ZFP90: variants seen among roughly 807,000 people sequenced by gnomAD.
ZFP90 encodes zinc finger protein 90 homolog.
Under a neutral mutation model 60.8 loss-of-function variants are expected in ZFP90, and 38 were observed. The observed-to-expected ratio is 0.62, with a 90% CI of 0.48 to 0.82. The LOEUF (loss-of-function observed/expected upper bound fraction) is 0.82. Among genes scored for constraint, ZFP90 ranks in the 40% least tolerant of loss-of-function variants. The probability of loss-of-function intolerance (pLI) is 0.00; values close to 1 mark genes in which losing one functional copy is unlikely to be tolerated. For synonymous variants in ZFP90, 287 were observed against 264.8 expected (o/e 1.08, Z -0.82); for missense variants, 711 against 759.1 (o/e 0.94, Z 0.74).
rs747724286 is a variant in ZFP90, at chr16:68,562,965, T to A, written c.257-79T>A. On this transcript the variant is annotated intron_variant, in intron 4 of 4. Coordinates refer to ENST00000563169, the MANE Select transcript of ZFP90 (RefSeq NM_001305203.2). ...AAAACAGAGTCATATGTAACTTATA[T>A]GTCTTTCTTCATTCCTACTCTAGCA... The A allele has an allele frequency of 3.8e-6, 6 of 1,578,542 alleles. No homozygotes were observed. The African/African-American group carries it at 6.7e-5, about 18-fold the overall frequency.
At chr16:68,539,511 T>G (rs1176129524) in intron 1 of ZFP90, 32 bp downstream of exon 1, 1 of 475,124 alleles carries the variant, frequency 2.1e-6, no homozygotes, top group East Asian at 3.5e-5. Flanking sequence ...CCCTCCTGGG[T>G]TTGGCGGGTG....
At chr16:68,541,799 C>T (rs941796925) in intron 2 of ZFP90, among the ~76,000 whole-genome samples, 3 of 152,130 alleles carry the variant, frequency 2.0e-5, no homozygotes, top group Admixed American at 6.6e-5. Context: ...AACACCTCAT[C>T]AGGGACTCTG....
upstream of ZFP90, among the ~76,000 whole-genome samples, chr16:68,537,847 T>C (rs2099209567): frequency 6.6e-6 from 1 of 152,160 alleles, no homozygotes; most frequent in Non-Finnish European, 1.5e-5. Flanking sequence ...TTTCATTACT[T>C]GTTAGCCCCT....
At chr16:68,562,775 C>A in intron 4 of ZFP90, 1 of 643,044 alleles carries the variant, frequency 1.6e-6, no homozygotes, top group African/African-American at 1.8e-5. Context: ...GTGCCTAACA[C>A]AGTCCTGCTC....
intron 2 of ZFP90, among the ~76,000 whole-genome samples, chr16:68,543,879 T>TC (rs1285001901): frequency 2.4e-4 from 29 of 118,952 alleles, no homozygotes; most frequent in South Asian, 1.1e-3. Context: ...TTTTTTTTTT[T>TC]CGAGGTAGAG....
rs1567413528 is a variant in ZFP90 at position 68,565,505 on chromosome 16, C to T, written c.*807C>T. The T allele has an allele frequency of 5.1e-6, 5 of 985,542 alleles. No homozygotes were observed. The highest frequency in any genetic ancestry group is 6.0e-6 in the Non-Finnish European group (5 of 829,914). The allele number at this position is 985,542 out of a possible 1,614,324, so 61.0% of individuals were successfully genotyped here. A position where few individuals can be genotyped will look rare whatever the true frequency, so the allele number is the denominator to read the frequency against. On this transcript the variant is annotated 3_prime_UTR_variant, in exon 5 of 5. Coordinates refer to ENST00000563169, the MANE Select transcript of ZFP90 (RefSeq NM_001305203.2). The stretch of plus-strand genomic sequence containing the variant: ...TGGAGGCTTACAAACCACAATTTAA[C>T]AGAAACTGTAGATGGTTGAACTACT...
chr16:68,566,451 TTCTC>T lies in ZFP90; in HGVS notation c.*1756_*1759del, dbSNP rs536125819. On this transcript the variant is annotated 3_prime_UTR_variant, in exon 5 of 5. Coordinates refer to ENST00000563169, the MANE Select transcript of ZFP90 (RefSeq NM_001305203.2). The stretch of plus-strand genomic sequence containing the variant: ...TGCCACATAGCAGGATTCATTGCCT[TTCTC>T]TCATCATGGATGGCATGCAGCAGCA... 3.2e-4 allele frequency: 312 copies of T among 985,550 alleles called. No homozygotes were observed. The African/African-American group carries it at 5.1e-3, about 16-fold the overall frequency. 61.1% of individuals were successfully genotyped at this position (985,550 alleles called of 1,614,324 possible).
At position 68,564,426 on chromosome 16, in the gene ZFP90, C is replaced by G. The variant is rs2091490791; in HGVS notation, c.1639C>G (p.His547Asp). The G allele has an allele frequency of 6.2e-7, 1 of 1,613,812 alleles. No individual in the cohort carries two copies. Residue 547 changes from histidine to aspartate, a missense_variant, in exon 5 of 5, where the codon CAC (histidine) becomes GAC (aspartate). Transcript: ENST00000563169. ...ATCGCTTACTCAACATGAGAGAACC[C>G]ACACTGGAGAGAAACCCTATGAATG... is the stretch of plus-strand genomic sequence containing the variant. ...RSSLTQHERT[H>D]TGEKPYECID...
intron 4 of ZFP90, among the ~76,000 whole-genome samples, chr16:68,561,527 A>G (rs1373654452): frequency 6.6e-6 from 1 of 152,190 alleles, no homozygotes; most frequent in Non-Finnish European, 1.5e-5. Flanking sequence ...TCTACACTAT[A>G]AAAACTCAGA....
chr16:68,575,462 C>T (rs1419997645), intron 2 of ZFP90, among the ~76,000 whole-genome samples: 2 of 143,272 alleles, frequency 1.4e-5, no homozygotes, highest in Admixed American at 1.5e-4. Flanking sequence ...GTCAGGTCAT[C>T]TCTCTGTTGA....
At chr16:68,540,686 A>C (rs1213951305) in intron 2 of ZFP90, among the ~76,000 whole-genome samples, 2 of 151,894 alleles carry the variant, frequency 1.3e-5, no homozygotes, top group Non-Finnish European at 2.9e-5. Context: ...TAAAAATACC[A>C]AGTTGCCAGG....
At chr16:68,569,020 G>A (rs2091553368), downstream of ZFP90, among the ~76,000 whole-genome samples, 1 of 151,860 alleles carries the variant, frequency 6.6e-6, no homozygotes, top group South Asian at 2.1e-4. Context: ...GTTTTTAAAT[G>A]AAGGAACCAG....
intron 4 of ZFP90, chr16:68,562,188 A>G (rs1231988402): frequency 6.6e-6 from 1 of 152,220 alleles, no homozygotes; most frequent in East Asian, 1.9e-4. Flanking sequence ...AGTGAAATGT[A>G]CAAGTCTTAT....
intron 2 of ZFP90, among the ~76,000 whole-genome samples, chr16:68,546,726 G>C (rs888042483): frequency 7.9e-5 from 12 of 152,248 alleles, no homozygotes; most frequent in Non-Finnish European, 1.8e-4. Context: ...TGGCCAGGCT[G>C]GTCTCGAACT....
Position 68,547,206 on chromosome 16 carries a change from T to A in ZFP90, c.33+7381T>A, listed in dbSNP as rs183397565. 3.3e-4 allele frequency among the ~76,000 whole-genome samples: 50 copies of A among 152,350 alleles called. No individual in the cohort carries two copies. In the East Asian group the frequency reaches 7.7e-3, roughly 23 times the overall value. ...CCATACTGTTTCCATAGCAGCTGTA[T>A]CTTTTTACATTCTTAACAGTGCACA... On this transcript the variant is annotated intron_variant, in intron 2 of 4. Transcript: ENST00000563169.
intron 4 of ZFP90, among the ~76,000 whole-genome samples, chr16:68,559,868 A>G (rs1175020588): frequency 1.3e-5 from 2 of 151,982 alleles, no homozygotes; most frequent in Admixed American, 1.3e-4. Context: ...TGACCACACC[A>G]GCCTAATTTT....
intron 2 of ZFP90, among the ~76,000 whole-genome samples, chr16:68,575,400 A>G (rs976768999): frequency 1.3e-5 from 2 of 152,142 alleles, no homozygotes; most frequent in Admixed American, 6.5e-5. Context: ...TTTATTGAGT[A>G]ACACAACAGC....
chr16:68,568,282 T>C (rs1277833319), downstream of ZFP90, among the ~76,000 whole-genome samples: 1 of 152,182 alleles, frequency 6.6e-6, no homozygotes, highest in East Asian at 1.9e-4. Context: ...TGAGTGGAGA[T>C]TGATTGCTAG....
rs11648503 is a variant in ZFP90, at chr16:68,565,035, G to A, written c.*337G>A. 792,805 of 1,021,192 alleles carry A rather than the reference G, an allele frequency of 0.78. 308,228 individuals carry two copies. The highest frequency in any genetic ancestry group is 0.89 in the African/African-American group (52,284 of 58,582). 63.3% of individuals were successfully genotyped at this position (1,021,192 alleles called of 1,614,324 possible). On this transcript the variant is annotated 3_prime_UTR_variant, in exon 5 of 5. Coordinates refer to ENST00000563169, the MANE Select transcript of ZFP90 (RefSeq NM_001305203.2). ...CCAATGTCAACAGCTTTTTTAAAAA[G>A]CAAATTCCTGCAGTAATGACCAAAA...
Sources: gnomAD v4.1 joint callset for allele counts (sites outside exome capture counted in the v4.1 genomes callset) on GRCh38, gnomAD v4.1.1 for gene constraint, MANE v1.5 for transcripts, NCBI Gene and HGNC (gene_info 2026-07-23, HGNC 2026-07-21) for gene names.